The following CAP1 variants were observed in gnomAD, a reference collection of about 807,000 sequenced individuals.
The protein encoded by CAP1 is cyclase associated actin cytoskeleton regulatory protein 1.
In CAP1, 11 loss-of-function variants were observed where a neutral mutation model predicts 58.2. The observed-to-expected ratio is 0.19, with a 90% CI of 0.12 to 0.31. CAP1 has a LOEUF of 0.31. CAP1 is among the 10% of genes least tolerant of loss of function. CAP1 has a pLI of 1.00. For missense variants in CAP1, 423 were observed against 587.5 expected (o/e 0.72, Z 2.89); for synonymous variants, 183 against 213.8 (o/e 0.86, Z 1.26).
intron 1 of CAP1, among the ~76,000 whole-genome samples, chr1:40,055,799 G>A (rs1212428216): frequency 6.6e-6 from 1 of 152,152 alleles, no homozygotes; most frequent in African/African-American, 2.4e-5. Context: ...GTGAGCCACT[G>A]TGCCCAGCCA....
intron 8 of CAP1, among the ~76,000 whole-genome samples, chr1:40,068,375 A>G (rs1355864740): frequency 1.3e-5 from 2 of 151,616 alleles, no homozygotes; most frequent in Non-Finnish European, 2.9e-5. Flanking sequence ...GGTTCAAGCA[A>G]TTCTCCTGCC....
intron 1 of CAP1, among the ~76,000 whole-genome samples, chr1:40,041,226 A>G (rs1290477147): frequency 2.0e-5 from 3 of 152,264 alleles, no homozygotes; most frequent in Non-Finnish European, 4.4e-5. Context: ...CTGGTGCCTT[A>G]GATAACCAGC....
At chr1:40,055,654 A>C (rs993038889) in intron 1 of CAP1, among the ~76,000 whole-genome samples, 19 of 152,084 alleles carry the variant, frequency 1.2e-4, no homozygotes, top group Non-Finnish European at 1.8e-4. Context: ...CCACAGCTGT[A>C]CACCACCATG....
intron 8 of CAP1, 126 bp downstream of exon 8, chr1:40,067,843 T>G (rs1647169359): frequency 1.6e-6 from 1 of 630,036 alleles, no homozygotes; most frequent in Non-Finnish European, 2.7e-6. Context: ...TGTGTCCTGT[T>G]CCTTTAAGGG....
chr1:40,053,080 C>T (rs78185587), intron 1 of CAP1, among the ~76,000 whole-genome samples: 17,532 of 152,010 alleles, frequency 0.12, 1,117 homozygotes, highest in East Asian at 0.22. Flanking sequence ...AAAAATTAGC[C>T]GGGCGTGGTG....
In CAP1 at chr1:40,067,730, T is replaced by G; in HGVS notation, c.808+13T>G. 6.3e-7 allele frequency: 1 copy of G among 1,587,358 alleles called. No individual in the cohort carries two copies. Among genetic ancestry groups the G allele is most frequent in the Non-Finnish European group, 8.6e-7 (1 of 1,165,746 alleles). On this transcript the variant is annotated intron_variant, in intron 8 of 12. Transcript: ENST00000372805. ...AGCATTACACATGGTGAGTGAGCAC[T>G]TGGACACGAACAGTAGGTACAACAA...
intron 9 of CAP1, 87 bp downstream of exon 9, chr1:40,069,961 G>A (rs1182834746): frequency 3.5e-6 from 5 of 1,430,724 alleles, no homozygotes; most frequent in South Asian, 1.4e-5. Context: ...CCAGGCTGGA[G>A]TGCAGTGGCG....
chr1:40,049,628 C>G (rs1034088034), intron 1 of CAP1, among the ~76,000 whole-genome samples: 3 of 152,156 alleles, frequency 2.0e-5, no homozygotes, highest in Admixed American at 2.0e-4. Context: ...CATGACAGTT[C>G]TTTGCCAATG....
chr1:40,070,179 C>G lies in CAP1; in HGVS notation c.1014C>G (p.Ser338=), dbSNP rs762495329. 6 of 1,614,124 alleles carry G rather than the reference C, an allele frequency of 3.7e-6. No individual in the cohort carries two copies. Among genetic ancestry groups the G allele is most frequent in the Non-Finnish European group, 5.1e-6 (6 of 1,180,012 alleles). ...AACAGGAAAATCAGGAAAATGTTTC[C>G]AACCTGGTGATTGAGGACACAGAGC... is the stretch of plus-strand genomic sequence containing the variant. The part of the protein sequence containing the change: ...KWRVENQENV[S]NLVIEDTELK... Residue 338 remains serine, a synonymous_variant, in exon 10 of 13, where the codon TCC becomes TCG. Coordinates refer to ENST00000372805, the MANE Select transcript of CAP1 (RefSeq NM_006367.4).
intron 11 of CAP1, 39 bp from the exon 12 acceptor site, chr1:40,070,797 C>G: frequency 6.4e-7 from 1 of 1,571,670 alleles, no homozygotes; most frequent in Non-Finnish European, 8.6e-7. Flanking sequence ...GTTGTCCTTC[C>G]CAACCACTGG....
chr1:40,042,640 G>A (rs1446264600), intron 1 of CAP1, among the ~76,000 whole-genome samples: 1 of 152,188 alleles, frequency 6.6e-6, no homozygotes, highest in African/African-American at 2.4e-5. Context: ...TGAAAGCTAT[G>A]GAGATGCTTT....
At chr1:40,047,446 T>C (rs928847451) in intron 1 of CAP1, among the ~76,000 whole-genome samples, 1 of 152,386 alleles carries the variant, frequency 6.6e-6, no homozygotes, top group East Asian at 1.9e-4. Flanking sequence ...TGTTTTGTTT[T>C]GTTTTTTCCT....
chr1:40,053,455 AG>A (rs1465058680), intron 1 of CAP1, among the ~76,000 whole-genome samples: 1 of 151,772 alleles, frequency 6.6e-6, no homozygotes, highest in Admixed American at 6.6e-5. Flanking sequence ...ACCTCTGGCA[AG>A]TTTTTTTTTT....
chr1:40,040,648 G>C (rs984513110), upstream of CAP1: 2 of 152,764 alleles, frequency 1.3e-5, no homozygotes, highest in Non-Finnish European at 1.5e-5. Context: ...GCCCAGTCGC[G>C]GGCCAGCCTA....
Position 40,070,436 on chromosome 1 carries a change from G to C in CAP1, c.1124G>C (p.Cys375Ser), listed in dbSNP as rs1046107625. 6.2e-7 allele frequency: 1 copy of C among 1,613,452 alleles called. No individual in the cohort carries two copies. The highest frequency in any genetic ancestry group is 8.5e-7 in the Non-Finnish European group (1 of 1,179,566). Residue 375 changes from cysteine to serine, a missense_variant, in exon 11 of 13, where the codon TGT becomes TCT. Cys to Ser is a moderately radical substitution (Grantham distance 112, BLOSUM62 -1). Transcript: ENST00000372805. ...ACTCCCTTTCTTCTCCTAGATAACT[G>C]TAAGAAACTTGGCCTGGTATTCGAT... Reference protein sequence around the residue: ...GKINSITVDNCKKLGLVFDDV... With the variant: ...GKINSITVDNSKKLGLVFDDV...
Position 40,053,971 on chromosome 1 carries a change from A to G in CAP1, c.-10-5366A>G, listed in dbSNP as rs148757868. Among the ~76,000 whole-genome samples the G allele has an allele frequency of 3.0e-3, 458 of 152,318 alleles. 3 individuals carry two copies. The highest frequency in any genetic ancestry group is 0.01 in the African/African-American group (429 of 41,580). On this transcript the variant is annotated intron_variant, in intron 1 of 12. Transcript: ENST00000372805. ...TATGGTACTTAGTTTGAAGATCTCT[A>G]TATCAGTGTGATTCGTGGCTGAGAA...
At chr1:40,048,627 G>T (rs1239821168) in intron 1 of CAP1, among the ~76,000 whole-genome samples, 1 of 152,072 alleles carries the variant, frequency 6.6e-6, no homozygotes, top group African/African-American at 2.4e-5. Flanking sequence ...GGTAGAAATT[G>T]TCAAAAACCC....
In CAP1 at chr1:40,069,813, C is replaced by T. The variant is rs1267927468; in HGVS notation, c.932C>T (p.Pro311Leu). 6.9e-6 allele frequency: 11 copies of T among 1,600,586 alleles called. No individual in the cohort carries two copies. The East Asian group carries it at 1.1e-4, about 16-fold the overall frequency. Residue 311 changes from proline (P) to leucine (L), a missense_variant, in exon 9 of 13, where the codon CCC becomes CTC. Pro to Leu is a moderately conservative substitution (Grantham distance 98). Coordinates refer to ENST00000372805, the MANE Select transcript of CAP1 (RefSeq NM_006367.4). Reference protein sequence around the residue: ...SAPKPQTSPSPKRATKKEPAV... With the variant: ...SAPKPQTSPSLKRATKKEPAV... ...CCTAAACCCCAAACCAGCCCATCCC[C>T]CAAACGAGCCACAAAGAAGGAGCCA...
rs1344855592 is a variant in CAP1, at chr1:40,072,194, A to G, written c.*661A>G. 1 of 387,530 alleles carries G rather than the reference A, an allele frequency of 2.6e-6. No individual in the cohort carries two copies. Among genetic ancestry groups the G allele is most frequent in the Non-Finnish European group, 4.5e-6 (1 of 221,984 alleles). 24.0% of individuals were successfully genotyped at this position (387,530 alleles called of 1,614,324 possible). A position where few individuals can be genotyped will look rare whatever the true frequency, so the allele number is the denominator to read the frequency against. On this transcript the variant is annotated 3_prime_UTR_variant, in exon 13 of 13. Coordinates refer to ENST00000372805, the MANE Select transcript of CAP1 (RefSeq NM_006367.4). ...TCCAGGGCAGTTAATGGAGTCTTGG[A>G]CCCTTTCTTTCTCTGGGATCCCTGC...
Sources: allele counts gnomAD v4.1 joint callset (sites outside exome capture counted in the v4.1 genomes callset), GRCh38; gene constraint gnomAD v4.1.1; transcripts MANE v1.5; gene names NCBI Gene and HGNC (gene_info 2026-07-23, HGNC 2026-07-21).